Variants in CDYL2 observed in about 807,000 individuals in gnomAD.
The protein encoded by CDYL2 is chromodomain Y-like protein 2.
In CDYL2, 23 loss-of-function variants were observed where a neutral mutation model predicts 49.4. The observed-to-expected ratio is 0.47, with a 90% CI of 0.34 to 0.66. CDYL2 has a LOEUF of 0.66. CDYL2 is among the 30% of genes least tolerant of loss of function. The probability of loss-of-function intolerance (pLI) is 0.01; values close to 1 mark genes in which losing one functional copy is unlikely to be tolerated. For synonymous variants in CDYL2, 360 were observed against 268.8 expected, an observed-to-expected ratio of 1.34 and a Z score of -3.32; for missense variants, 678 against 656.4, an observed-to-expected ratio of 1.03 and a Z score of -0.36.
intron 1 of CDYL2, among the ~76,000 whole-genome samples, chr16:80,799,184 T>G (rs1375278899): frequency 6.6e-6 from 1 of 152,180 alleles, no homozygotes; most frequent in Non-Finnish European, 1.5e-5. Flanking sequence ...TTTAATTAAT[T>G]CAGATATCAC....
chr16:80,640,925 A>G (rs879484805), intron 2 of CDYL2, among the ~76,000 whole-genome samples: 2 of 152,176 alleles, frequency 1.3e-5, no homozygotes, highest in Non-Finnish European at 2.9e-5. Context: ...AAAAAGGAAT[A>G]AAAAACAGTG....
chr16:80,616,389 C>G (rs1906828266), intron 4 of CDYL2, among the ~76,000 whole-genome samples: 1 of 152,158 alleles, frequency 6.6e-6, no homozygotes, highest in African/African-American at 2.4e-5. Context: ...GGAGGGTGGA[C>G]AGAGTCCTCA....
chr16:80,619,758 G>A (rs1027587682), intron 4 of CDYL2, among the ~76,000 whole-genome samples: 2 of 152,148 alleles, frequency 1.3e-5, no homozygotes, highest in African/African-American at 4.8e-5. Context: ...GGAAACACAC[G>A]GGTATTTCGG....
chr16:80,642,677 T>A (rs1160988069), intron 2 of CDYL2, among the ~76,000 whole-genome samples: 1 of 152,166 alleles, frequency 6.6e-6, no homozygotes, highest in Non-Finnish European at 1.5e-5. Context: ...TGAAAGGCAC[T>A]TCTTACATAG....
chr16:80,677,562 C>A (rs143869153), intron 2 of CDYL2, among the ~76,000 whole-genome samples: 13 of 151,830 alleles, frequency 8.6e-5, no homozygotes, highest in African/African-American at 2.7e-4. Context: ...ACGGTGAAAC[C>A]CCGTCTCTAA....
intron 2 of CDYL2, among the ~76,000 whole-genome samples, chr16:80,643,374 CT>C (rs1358306595): frequency 1.3e-5 from 2 of 152,234 alleles, no homozygotes; most frequent in Non-Finnish European, 2.9e-5. Flanking sequence ...GTGTCTGCAA[CT>C]TTTCCAGGTG....
chr16:80,708,804 G>C (rs1384000678), intron 1 of CDYL2, among the ~76,000 whole-genome samples: 1 of 151,964 alleles, frequency 6.6e-6, no homozygotes, highest in Non-Finnish European at 1.5e-5. Flanking sequence ...GTGTAGTTCA[G>C]GTTGTTCTCA....
chr16:80,794,103 T>C lies in CDYL2; in HGVS notation c.24+10047A>G, dbSNP rs182245563. Among the ~76,000 whole-genome samples, 84 of 152,348 alleles carry C rather than the reference T, an allele frequency of 5.5e-4. 1 individual carries two copies. Among genetic ancestry groups the C allele is most frequent in the Non-Finnish European group, 9.4e-4 (64 of 68,026 alleles). ...TGTCTGTTTCATGTAGAAAAACCTC[T>C]AACACACAATATTGTCCCCATTCCT... On this transcript the variant is annotated intron_variant, in intron 1 of 6. Transcript: ENST00000570137.
chr16:80,703,994 C>T (rs1904325127), intron 1 of CDYL2, among the ~76,000 whole-genome samples: 1 of 152,186 alleles, frequency 6.6e-6, no homozygotes, highest in Non-Finnish European at 1.5e-5. Context: ...AATTGAGTTA[C>T]AGGATAGCGG....
chr16:80,599,051 A>G lies in CDYL2; in HGVS notation c.*5337T>C, dbSNP rs1905962131. The G allele has an allele frequency of 1.3e-5, 2 of 152,160 alleles. No individual in the cohort carries two copies. The highest frequency in any genetic ancestry group is 4.8e-5 in the African/African-American group (2 of 41,418). 9.4% of individuals were successfully genotyped at this position (152,160 alleles called of 1,614,324 possible). A position where few individuals can be genotyped will look rare whatever the true frequency, so the allele number is the denominator to read the frequency against. On this transcript the variant is annotated 3_prime_UTR_variant, in exon 7 of 7. Coordinates refer to ENST00000570137, the MANE Select transcript of CDYL2 (RefSeq NM_152342.4). ...TACACCCTCCAAACTTCCAAGAGTC[A>G]GCTTCAAGAGCTCCAGCATCAGGCT... is the stretch of plus-strand genomic sequence containing the variant.
rs147026469 is a variant in CDYL2 at position 80,751,966 on chromosome 16, T to C, written c.24+52184A>G. Reference sequence around the variant, plus strand: ...GGAAACAACCACCCATGGCCTGAAATTCAACCGTAAATTACCAGGCACACC... The same window carrying C: ...GGAAACAACCACCCATGGCCTGAAACTCAACCGTAAATTACCAGGCACACC... On this transcript the variant is annotated intron_variant, in intron 1 of 6. Transcript: ENST00000570137. 7.2e-3 allele frequency among the ~76,000 whole-genome samples: 1,099 copies of C among 152,202 alleles called. 56 individuals carry two copies. The highest frequency in any genetic ancestry group is 0.061 in the Admixed American group (930 of 15,282).
In CDYL2 at chr16:80,633,139, G is replaced by A. The variant is rs1907648242; in HGVS notation, c.714C>T (p.Tyr238=). 1 of 1,614,194 alleles carries A rather than the reference G, an allele frequency of 6.2e-7. No individual in the cohort carries two copies. Among genetic ancestry groups the A allele is most frequent in the African/African-American group, 1.3e-5 (1 of 75,030 alleles). Residue 238 remains tyrosine, a synonymous_variant, in exon 3 of 7, where the codon TAC becomes TAT. Transcript: ENST00000570137. ...AGTTGCTTTCATTCTGGCGGACACTGTATCTGAGCCTTTTGTCAAAGACGT... is the reference window on the plus strand; with the variant it reads ...AGTTGCTTTCATTCTGGCGGACACTATATCTGAGCCTTTTGTCAAAGACGT... ...KDYVFDKRLR[Y]SVRQNESNCR... is the part of the protein sequence containing the mutation.
At chr16:80,758,347 A>G (rs1273298136) in intron 1 of CDYL2, among the ~76,000 whole-genome samples, 1 of 152,178 alleles carries the variant, frequency 6.6e-6, no homozygotes, top group Non-Finnish European at 1.5e-5. Context: ...AGTAATAACT[A>G]CAATAATAAA....
chr16:80,802,604 G>A (rs1907959559), intron 1 of CDYL2, among the ~76,000 whole-genome samples: 1 of 152,242 alleles, frequency 6.6e-6, no homozygotes, highest in South Asian at 2.1e-4. Context: ...AGTGAAGAGG[G>A]CAACATACAC....
chr16:80,720,946 C>T (rs1263816146), intron 1 of CDYL2, among the ~76,000 whole-genome samples: 1 of 152,042 alleles, frequency 6.6e-6, no homozygotes, highest in African/African-American at 2.4e-5. Context: ...CTAAAATAAC[C>T]AGAAAGAACC....
In CDYL2 at chr16:80,665,505, TAAA is replaced by T. The variant is rs35248259; in HGVS notation, c.616+19030_616+19032del. Among the ~76,000 whole-genome samples, 424 of 121,630 alleles carry T rather than the reference TAAA, an allele frequency of 3.5e-3. 1 individual carries two copies. The highest frequency in any genetic ancestry group is 0.013 in the African/African-American group (379 of 30,318). The allele number at this position is 121,630 out of a possible 152,430, so 79.8% of individuals were successfully genotyped here. A position where few individuals can be genotyped will look rare whatever the true frequency, so the allele number is the denominator to read the frequency against. On this transcript the variant is annotated intron_variant, in intron 2 of 6. Transcript: ENST00000570137. ...AAAAAGTAATTGAGGTTTTTGCCAT[TAAA>T]AAAAAAAAAAAAAAAAAATAGCAAA... is the stretch of plus-strand genomic sequence containing the variant.
At chr16:80,701,225 A>G (rs17753271) in intron 1 of CDYL2, among the ~76,000 whole-genome samples, 3,465 of 152,350 alleles carry the variant, frequency 0.023, 47 homozygotes, top group Non-Finnish European at 0.032. Context: ...AATGTACAGT[A>G]TGATCCCATT....
At chr16:80,671,737 C>T (rs1909517985) in intron 2 of CDYL2, among the ~76,000 whole-genome samples, 1 of 152,198 alleles carries the variant, frequency 6.6e-6, no homozygotes, top group Admixed American at 6.5e-5. Flanking sequence ...CTTAAACACA[C>T]ACGTCTGGCA....
intron 1 of CDYL2, among the ~76,000 whole-genome samples, chr16:80,786,798 T>C (rs1019659179): frequency 6.6e-6 from 1 of 152,112 alleles, no homozygotes; most frequent in African/African-American, 2.4e-5. Context: ...GAAACCATCA[T>C]TCTCAGCAAA....
Sources: gnomAD v4.1 joint callset for allele counts (sites outside exome capture counted in the v4.1 genomes callset) on GRCh38, gnomAD v4.1.1 for gene constraint, MANE v1.5 for transcripts, NCBI Gene and HGNC (gene_info 2026-07-23, HGNC 2026-07-21) for gene names.